COL27A1: variants seen among roughly 807,000 people sequenced by gnomAD.
COL27A1 encodes the protein collagen type XXVII alpha 1 chain.
In COL27A1, 106 loss-of-function variants were observed where a neutral mutation model predicts 251.3. The observed-to-expected ratio is 0.42, with a 90% CI of 0.36 to 0.50. The LOEUF is 0.50. Among genes scored for constraint, COL27A1 ranks in the 20% least tolerant of loss-of-function variants. The pLI is 0.00. For missense variants in COL27A1, 2,325 were observed against 2,522.8 expected (o/e 0.92, Z 1.68); for synonymous variants, 1,000 against 986.3 (o/e 1.01, Z -0.26).
At chr9:114,172,578 G>A (rs1190219989) in intron 3 of COL27A1, among the ~76,000 whole-genome samples, 2 of 152,200 alleles carry the variant, frequency 1.3e-5, no homozygotes, top group Non-Finnish European at 2.9e-5. Context: ...GGCCGAGGCA[G>A]GCGGATCACT....
intron 4 of COL27A1, among the ~76,000 whole-genome samples, chr9:114,181,362 G>A (rs1827899465): frequency 6.6e-6 from 1 of 152,182 alleles, no homozygotes; most frequent in Admixed American, 6.5e-5. Context: ...CCTTGCCGGT[G>A]CATTCGGAGA....
At chr9:114,243,896 G>A (rs1192822747) in intron 23 of COL27A1, among the ~76,000 whole-genome samples, 1 of 151,532 alleles carries the variant, frequency 6.6e-6, no homozygotes, top group African/African-American at 2.4e-5. Flanking sequence ...GGCAGGGGCT[G>A]GGTTGCACCG....
At chr9:114,303,383 C>T (rs1368775144) in intron 56 of COL27A1, among the ~76,000 whole-genome samples, 1 of 151,816 alleles carries the variant, frequency 6.6e-6, no homozygotes, top group Non-Finnish European at 1.5e-5. Context: ...GGATTATAGG[C>T]GCGAACCACC....
chr9:114,300,313 C>G (rs928387470), intron 50 of COL27A1, 190 bp downstream of exon 50: 4 of 622,644 alleles, frequency 6.4e-6, no homozygotes, highest in Non-Finnish European at 1.1e-5. Context: ...ACACAATTAC[C>G]TGCTCTGTGC....
intron 53 of COL27A1, 46 bp downstream of exon 53, chr9:114,301,365 G>C: frequency 6.2e-7 from 1 of 1,612,406 alleles, no homozygotes; most frequent in Middle Eastern, 1.8e-4. Context: ...TGCAGGGGCG[G>C]GGGAGGGGTG....
intron 29 of COL27A1, 91 bp downstream of exon 29, chr9:114,264,499 CT>C: frequency 9.5e-7 from 1 of 1,056,554 alleles, no homozygotes; most frequent in South Asian, 1.9e-5. Flanking sequence ...AACAATGCCC[CT>C]TAGGGACAAC....
chr9:114,170,310 G>A (rs1438624004), intron 3 of COL27A1, among the ~76,000 whole-genome samples: 1 of 152,222 alleles, frequency 6.6e-6, no homozygotes, highest in Non-Finnish European at 1.5e-5. Flanking sequence ...GATGCCTCCG[G>A]CTTGCCTGGG....
intron 2 of COL27A1, among the ~76,000 whole-genome samples, chr9:114,163,403 T>TA (rs778377725): frequency 0.086 from 12,057 of 140,640 alleles, 637 homozygotes; most frequent in South Asian, 0.13. Flanking sequence ...TAAGAACTGC[T>TA]AAAAAAAAAA....
chr9:114,289,733 C>T (rs1314194944), intron 45 of COL27A1, among the ~76,000 whole-genome samples: 1 of 152,156 alleles, frequency 6.6e-6, no homozygotes, highest in Non-Finnish European at 1.5e-5. Flanking sequence ...TGCTCTTTCC[C>T]TCCCCCGGGT....
chr9:114,285,415 G>A, intron 41 of COL27A1, among the ~76,000 whole-genome samples: 1 of 152,098 alleles, frequency 6.6e-6, no homozygotes, highest in East Asian at 1.9e-4. Flanking sequence ...TCACGTCCAA[G>A]GCAATCCCAA....
chr9:114,230,318 G>T (rs1831852347), intron 14 of COL27A1, among the ~76,000 whole-genome samples: 1 of 152,154 alleles, frequency 6.6e-6, no homozygotes, highest in East Asian at 1.9e-4. Context: ...CAGCCTGGCT[G>T]AGTGCTTCCC....
intron 14 of COL27A1, among the ~76,000 whole-genome samples, chr9:114,228,357 G>T (rs1338664759): frequency 6.6e-6 from 1 of 152,226 alleles, no homozygotes; most frequent in Non-Finnish European, 1.5e-5. Context: ...AGCAGAGCCC[G>T]CCTCTGTTTA....
intron 59 of COL27A1, among the ~76,000 whole-genome samples, chr9:114,308,809 T>G (rs1829242817): frequency 6.6e-6 from 1 of 152,188 alleles, no homozygotes; most frequent in African/African-American, 2.4e-5. Context: ...TTGTTTGCTC[T>G]CAGGTCTGCC....
intron 49 of COL27A1, among the ~76,000 whole-genome samples, chr9:114,295,384 A>C (rs1828193392): frequency 6.6e-6 from 1 of 152,262 alleles, no homozygotes; most frequent in South Asian, 2.1e-4. Flanking sequence ...TATTGATTCA[A>C]CACAATTCCA....
At chr9:114,238,532 G>A (rs1832551281) in intron 19 of COL27A1, among the ~76,000 whole-genome samples, 2 of 152,206 alleles carry the variant, frequency 1.3e-5, no homozygotes, top group Admixed American at 6.5e-5. Context: ...TGGCTCTGTG[G>A]ATAGGCCGGA....
At chr9:114,301,827 T>A in intron 55 of COL27A1, 110 bp downstream of exon 55, 2 of 1,106,846 alleles carry the variant, frequency 1.8e-6, no homozygotes, top group Non-Finnish European at 1.3e-6. Context: ...ACAGGGGTTC[T>A]TGTAGCCCAC....
At chr9:114,294,731 T>C (rs1351622281) in intron 49 of COL27A1, among the ~76,000 whole-genome samples, 2 of 152,232 alleles carry the variant, frequency 1.3e-5, no homozygotes, top group Non-Finnish European at 2.9e-5. Flanking sequence ...AACATCATAC[T>C]TAGTAGTGAT....
chr9:114,264,298 C>A, intron 28 of COL27A1, 57 bp from the exon 29 acceptor site: 2 of 1,405,832 alleles, frequency 1.4e-6, no homozygotes, highest in Non-Finnish European at 1.9e-6. Flanking sequence ...CCTCCTGGTT[C>A]TCCGCCCGAG....
At chr9:114,265,631 A>G (rs1834689167) in intron 32 of COL27A1, among the ~76,000 whole-genome samples, 156 bp downstream of exon 32, 1 of 152,218 alleles carries the variant, frequency 6.6e-6, no homozygotes, top group Non-Finnish European at 1.5e-5. Flanking sequence ...GCACTAAGCC[A>G]GGAGCTCTGG....
Sources: gnomAD v4.1 joint callset for allele counts (sites outside exome capture counted in the v4.1 genomes callset) on GRCh38, gnomAD v4.1.1 for gene constraint, MANE v1.5 for transcripts, NCBI Gene and HGNC (gene_info 2026-07-23, HGNC 2026-07-21) for gene names.